PKLR: variants seen among roughly 807,000 people sequenced by gnomAD.
The protein encoded by PKLR is pyruvate kinase L/R, also known as pyruvate kinase PKLR.
Under a neutral mutation model 53.6 loss-of-function variants are expected in PKLR, and 38 were observed. The observed-to-expected ratio is 0.71, with a 90% CI of 0.55 to 0.93. PKLR has a LOEUF of 0.93. Among genes scored for constraint, PKLR ranks in the 40% least tolerant of loss-of-function variants. PKLR has a pLI of 0.00. For synonymous variants in PKLR, 328 were observed against 316.2 expected (o/e 1.04, Z -0.39); for missense variants, 702 against 787.3 (o/e 0.89, Z 1.30).
chr1:155,308,477 A>G, the PKLR span: 2 of 807,720 alleles, frequency 2.5e-6, no homozygotes, highest in Non-Finnish European at 3.0e-6. Context: ...TTCACTGAGG[A>G]TCAGAGACGT....
intron 2 of PKLR, among the ~76,000 whole-genome samples, chr1:155,296,157 G>A (rs936202165): frequency 2.0e-5 from 3 of 152,136 alleles, no homozygotes; most frequent in Admixed American, 2.0e-4. Flanking sequence ...ACTGAGGAGA[G>A]CTGAGTTCTA....
At chr1:155,296,952 A>G (rs1185290636) in intron 2 of PKLR, among the ~76,000 whole-genome samples, 4 of 151,864 alleles carry the variant, frequency 2.6e-5, no homozygotes, top group South Asian at 2.1e-4. Context: ...GTCCTCCTCT[A>G]TTGGCCCATC....
At chr1:155,301,632 C>T (rs144475447), upstream of PKLR, among the ~76,000 whole-genome samples, 14 of 151,818 alleles carry the variant, frequency 9.2e-5, no homozygotes, top group Middle Eastern at 6.8e-3. Context: ...TGGTCATCCA[C>T]GTGAATAGAT....
rs8177979 is a variant in PKLR at position 155,293,639 on chromosome 1, G to A, written c.1117-49C>T. The A allele has an allele frequency of 4.2e-3, 6,676 of 1,601,630 alleles. 240 individuals are homozygous for A. The African/African-American group carries it at 0.079, about 19-fold the overall frequency. ...AGTTGTAGGACTCACACTGTGACTG[G>A]GGACCCTGCCCAAGCTACTTCTCTG... On this transcript the variant is annotated intron_variant, in intron 7 of 10. Transcript: ENST00000342741. This position sits in a 1 kb window ranked among gnomAD's most constrained non-coding sequence, Gnocchi z 4.2.
chr1:155,294,643 G>T lies in PKLR; in HGVS notation c.804C>A (p.Asp268Glu), dbSNP rs576755609. 1 of 1,614,182 alleles carries T rather than the reference G, an allele frequency of 6.2e-7. No homozygotes were observed. The highest frequency in any genetic ancestry group is 8.5e-7 in the Non-Finnish European group (1 of 1,180,044). ...QVDLPGLSEQ[D>E]VRDLRFGVEH... is the part of the protein sequence containing the mutation. ...CCACCCCGAAGCGCAGGTCTCGGAC[G>T]TCCTGCTCGGACAGCCCGGGCAAGT... Residue 268 changes from aspartate to glutamate, a missense_variant, in exon 6 of 11, where the codon GAC (aspartate) becomes GAA (glutamate). Physicochemically the swap from Asp to Glu is conservative, Grantham distance 45. Coordinates refer to ENST00000342741, the MANE Select transcript of PKLR (RefSeq NM_000298.6).
chr1:155,299,034 C>CCT (rs1474986242), intron 2 of PKLR, among the ~76,000 whole-genome samples: 15 of 61,002 alleles, frequency 2.5e-4, no homozygotes, highest in East Asian at 1.2e-3. Flanking sequence ...TTCTTTCTTT[C>CCT]TCTTTCTTTC....
intron 2 of PKLR, among the ~76,000 whole-genome samples, chr1:155,298,953 C>CCCTTCTTT (rs1553231290): frequency 9.6e-6 from 1 of 103,804 alleles, no homozygotes; most frequent in Admixed American, 1.1e-4. Context: ...AACTTTCACT[C>CCCTTCTTT]CTTTCTTTCT....
chr1:155,300,252 A>G lies in PKLR; in HGVS notation c.129T>C (p.Ser43=), dbSNP rs777368485. The change falls in exon 2 of 11, where the codon AGT becomes AGC. Residue 43 remains serine, a synonymous_variant. Coordinates refer to ENST00000342741, the MANE Select transcript of PKLR (RefSeq NM_000298.6). The part of the protein sequence containing the change: ...GGPAGYLRRA[S]VAQLTQELGT... ...CCAGCTCCTGGGTCAGTTGGGCCAC[A>G]CTGGCCCGCCGCAGATACCCCGCTG... 8.8e-6 allele frequency: 14 copies of G among 1,599,880 alleles called. No individual in the cohort carries two copies. Among genetic ancestry groups the G allele is most frequent in the Non-Finnish European group, 1.2e-5 (14 of 1,174,132 alleles).
rs781715321 is a variant in PKLR at position 155,294,324 on chromosome 1, C to G, written c.1027G>C (p.Glu343Gln). The G allele has an allele frequency of 3.1e-6, 5 of 1,614,114 alleles. No homozygotes were observed. In the South Asian group the frequency reaches 4.4e-5, roughly 14 times the overall value. ...AGGAAAACCTTCTCTGCTGGGATCT[C>G]GATGCCTAGGTCCCCCCGTGCCACC... The part of the protein sequence containing the change: ...IMVARGDLGI[E>Q]IPAEKVFLAQ... Residue 343 changes from glutamate to glutamine, a missense_variant, in exon 7 of 11, where the codon GAG becomes CAG. By Grantham distance (29) the Glu-to-Gln change is conservative (BLOSUM62 2). Around this residue, in one of 2 missense-constraint regions of PKLR, gnomAD observed 519 missense variants for 537.1 expected, o/e 0.97. Transcript: ENST00000342741.
intron 2 of PKLR, among the ~76,000 whole-genome samples, chr1:155,298,625 C>CTT (rs879759898): frequency 3.5e-4 from 52 of 149,176 alleles, no homozygotes; most frequent in South Asian, 1.1e-3. Flanking sequence ...CCGCGCCCAG[C>CTT]TTTTTTTTCT....
chr1:155,303,346 A>G (rs2148222953), upstream of PKLR, among the ~76,000 whole-genome samples: 1 of 152,350 alleles, frequency 6.6e-6, no homozygotes, highest in East Asian at 1.9e-4. Context: ...TGATAGCATC[A>G]TCATCATCAT....
chr1:155,294,851 C>T, intron 5 of PKLR, 99 bp from the exon 6 acceptor site: 1 of 1,402,320 alleles, frequency 7.1e-7, no homozygotes, highest in Non-Finnish European at 1.0e-6. Flanking sequence ...AGGTCAGGAA[C>T]CATGTCCTCC....
intron 2 of PKLR, among the ~76,000 whole-genome samples, chr1:155,299,008 T>TTCTTTCTTTCTTTC (rs1647795787): frequency 1.0e-5 from 1 of 96,872 alleles, no homozygotes. Context: ...CTTTCTTTCT[T>TTCTTTCTTTCTTTC]TCTTTCTTTC....
At position 155,290,602 on chromosome 1, in the gene PKLR, G is replaced by C; in HGVS notation, c.1695C>G (p.Thr565=). 6.2e-7 allele frequency: 1 copy of C among 1,612,226 alleles called. No individual in the cohort carries two copies. Among genetic ancestry groups the C allele is most frequent in the Non-Finnish European group, 8.5e-7 (1 of 1,178,434 alleles). Residue 565 remains threonine (T), a synonymous_variant, in exon 11 of 11, where the codon ACC becomes ACG. Coordinates refer to ENST00000342741, the MANE Select transcript of PKLR (RefSeq NM_000298.6). The part of the protein sequence containing the change: ...VTGWRPGSGY[T]NIMRVLSIS The stretch of plus-strand genomic sequence containing the variant: ...ATATGCTTAGCACCCGCATGATGTT[G>C]GTGTAGCCGGAGCCAGGTCGCCAGC...
chr1:155,295,883 A>T lies in PKLR; in HGVS notation c.284-127T>A. Reference sequence around the variant, plus strand: ...CCTGTTACCTGATCTTTATTCCCTGATGCAACCCCTGCCCACAGATCACAG... The same window carrying T: ...CCTGTTACCTGATCTTTATTCCCTGTTGCAACCCCTGCCCACAGATCACAG... On this transcript the variant is annotated intron_variant, in intron 2 of 10. Transcript: ENST00000342741. The surrounding 1 kb of genome is among the most constrained non-coding windows in gnomAD (Gnocchi z 4.3). The T allele has an allele frequency of 1.3e-6, 1 of 771,324 alleles. No homozygotes were observed. Among genetic ancestry groups the T allele is most frequent in the Non-Finnish European group, 2.3e-6 (1 of 442,916 alleles). 47.8% of individuals were successfully genotyped at this position (771,324 alleles called of 1,614,324 possible). A position where few individuals can be genotyped will look rare whatever the true frequency, so the allele number is the denominator to read the frequency against.
intron 1 of PKLR, chr1:155,300,937 T>G (rs1295998079): frequency 1.3e-6 from 2 of 1,597,874 alleles, no homozygotes; most frequent in African/African-American, 2.7e-5. Context: ...TGCTCCACAC[T>G]GTTGGGTTGT....
In PKLR at chr1:155,294,228, T is replaced by A. The variant is rs201407348; in HGVS notation, c.1116+7A>T. On this transcript the variant is annotated splice_region_variant and intron_variant, in intron 7 of 10. Coordinates refer to ENST00000342741, the MANE Select transcript of PKLR (RefSeq NM_000298.6). ...AGAGTGCCGAACCTCAAGGCCTCAC[T>A]CCAGACCTGTGTGGCACAGACAACA... The A allele has an allele frequency of 5.0e-6, 8 of 1,614,108 alleles. No individual in the cohort carries two copies. The highest frequency in any genetic ancestry group is 1.3e-5 in the African/African-American group (1 of 75,038).
the PKLR span, among the ~76,000 whole-genome samples, chr1:155,307,017 C>T: frequency 6.6e-6 from 1 of 152,142 alleles, no homozygotes; most frequent in Non-Finnish European, 1.5e-5. Context: ...CGGGTTCAAG[C>T]GATTCTCCTG....
chr1:155,296,406 C>T (rs1647600933), intron 2 of PKLR, among the ~76,000 whole-genome samples: 1 of 151,940 alleles, frequency 6.6e-6, no homozygotes, highest in African/African-American at 2.4e-5. Context: ...GCAGTGGCAC[C>T]ATCTCAGCTC....
Sources: gnomAD v4.1 joint callset for allele counts (sites outside exome capture counted in the v4.1 genomes callset) on GRCh38, gnomAD v4.1.1 for gene constraint, gnomAD v4.1.1 regional missense constraint, Gnocchi (gnomAD v3.1) non-coding constraint, MANE v1.5 for transcripts, NCBI Gene and HGNC (gene_info 2026-07-23, HGNC 2026-07-21) for gene names.